Variants in CDKN2C observed in about 807,000 individuals in gnomAD.
The protein encoded by CDKN2C is cyclin-dependent kinase 4 inhibitor C.
A neutral mutation model predicts 11.0 loss-of-function variants in CDKN2C; 5 were observed. The ratio of observed to expected loss-of-function variants is 0.45; its 90% CI spans 0.24 to 0.95. The LOEUF is 0.95. Among genes scored for constraint, CDKN2C ranks in the 40% least tolerant of loss-of-function variants. The pLI, the probability that CDKN2C is intolerant of heterozygous loss-of-function variation, is 0.21. For missense variants in CDKN2C, 161 were observed against 211.9 expected (o/e 0.76, Z 1.49); for synonymous variants, 79 against 88.3 (o/e 0.89, Z 0.59).
intron 1 of CDKN2C, among the ~76,000 whole-genome samples, chr1:50,973,305 C>G (rs1267078574): frequency 6.6e-6 from 1 of 152,134 alleles, no homozygotes; most frequent in Non-Finnish European, 1.5e-5. Flanking sequence ...TTGGAGGGAA[C>G]TTGTAAAAAT....
At chr1:50,965,120 A>G (rs919023946) in intron 1 of CDKN2C, among the ~76,000 whole-genome samples, 1 of 151,518 alleles carries the variant, frequency 6.6e-6, no homozygotes, top group African/African-American at 2.4e-5. Flanking sequence ...TTTTATAACC[A>G]TGAAACACTA....
At chr1:50,970,704 G>C (rs1032783011) in intron 1 of CDKN2C, among the ~76,000 whole-genome samples, 1 of 152,114 alleles carries the variant, frequency 6.6e-6, no homozygotes, top group African/African-American at 2.4e-5. Flanking sequence ...TAACATCCTT[G>C]ATATCAAGTG....
upstream of CDKN2C, among the ~76,000 whole-genome samples, chr1:50,966,635 G>A (rs1295182039): frequency 6.6e-6 from 1 of 151,704 alleles, no homozygotes; most frequent in African/African-American, 2.4e-5. Context: ...TAATACTTAT[G>A]TATGCCTTCT....
Position 50,970,360 on chromosome 1 carries a change from C to A in CDKN2C, c.-9C>A. The A allele has an allele frequency of 6.2e-7, 1 of 1,614,036 alleles. No individual in the cohort carries two copies. The highest frequency in any genetic ancestry group is 8.5e-7 in the Non-Finnish European group (1 of 1,180,030). ...ATTCATCTTTTCCTGATCGTCAGGA[C>A]CCTAAAGAATGGCCGAGCCTTGGGG... On this transcript the variant is annotated 5_prime_UTR_variant, in exon 1 of 2. Transcript: ENST00000371761.
At chr1:50,973,797 T>A in intron 1 of CDKN2C, 96 bp from the exon 2 acceptor site, 1 of 1,459,206 alleles carries the variant, frequency 6.9e-7, no homozygotes, top group Non-Finnish European at 9.5e-7. Flanking sequence ...CCATCAAAAA[T>A]AAATAGTTAC....
At chr1:50,967,359 C>T (rs1440942061), upstream of CDKN2C, among the ~76,000 whole-genome samples, 3 of 152,180 alleles carry the variant, frequency 2.0e-5, no homozygotes, top group Non-Finnish European at 4.4e-5. Flanking sequence ...ATTCACAATT[C>T]AAGTTTAGTT....
At chr1:50,961,017 TA>T (rs1326384132) in intron 1 of CDKN2C, among the ~76,000 whole-genome samples, 43 of 3,020 alleles carry the variant, frequency 0.014, no homozygotes, top group Admixed American at 0.022. Context: ...AGTCTATTTT[TA>T]TTTATTTATT....
chr1:50,968,984 T>G (rs1347914330), upstream of CDKN2C: 1 of 153,230 alleles, frequency 6.5e-6, no homozygotes, highest in African/African-American at 2.4e-5. Context: ...AAAGAAACTG[T>G]CACTGGGAGC....
intron 1 of CDKN2C, 76 bp from the exon 2 acceptor site, chr1:50,973,813 TGGAA>T: frequency 6.6e-7 from 1 of 1,521,408 alleles, no homozygotes; most frequent in Non-Finnish European, 9.1e-7. Flanking sequence ...GTTACATAAA[TGGAA>T]GGACAGGCAG....
Position 50,974,049 on chromosome 1 carries a change from G to GTTAA in CDKN2C, c.287_290dup (p.Ile98Ter). 6.2e-7 allele frequency: 1 copy of GTTAA among 1,614,220 alleles called. No homozygotes were observed. The highest frequency in any genetic ancestry group is 1.1e-5 in the South Asian group (1 of 91,080). ...GACTTTGCTGGAGTTTCAAGCTGAT[G>GTTAA]TTAACATCGAGGATAATGAAGGGAA... On this transcript the variant is annotated frameshift_variant, in exon 2 of 2. Coordinates refer to ENST00000371761, the MANE Select transcript of CDKN2C (RefSeq NM_078626.3). LOFTEE classifies it high-confidence loss of function.
chr1:50,970,154 T>C, upstream of CDKN2C: 1 of 603,328 alleles, frequency 1.7e-6, no homozygotes, highest in Non-Finnish European at 2.9e-6. Context: ...CCCTCTCCAA[T>C]GGCTCAGTTT....
At chr1:50,973,201 T>G (rs1388156224) in intron 1 of CDKN2C, among the ~76,000 whole-genome samples, 1 of 152,152 alleles carries the variant, frequency 6.6e-6, no homozygotes, top group Admixed American at 6.5e-5. Context: ...AATGAAGGAT[T>G]CTAAACATTG....
upstream of CDKN2C, among the ~76,000 whole-genome samples, chr1:50,966,066 T>C (rs1450039479): frequency 6.6e-6 from 1 of 151,082 alleles, no homozygotes; most frequent in Non-Finnish European, 1.5e-5. Flanking sequence ...TTTGACTGAA[T>C]CACATTTCTA....
rs940734001 is a variant in CDKN2C, at chr1:50,962,559, A to G, written c.-1976+1756A>G. On this transcript the variant is annotated intron_variant, in intron 1 of 3. Transcript: ENST00000262662. ...AATAATTGTTTCTAGTTATATGGCC[A>G]AGGATTAATGCAGTCCTAAAAAGTT... Among the ~76,000 whole-genome samples, 9 of 152,330 alleles carry G rather than the reference A, an allele frequency of 5.9e-5. No homozygotes were observed. The South Asian group carries it at 1.4e-3, about 25-fold the overall frequency.
chr1:50,972,069 T>C (rs1041394601), intron 1 of CDKN2C, among the ~76,000 whole-genome samples: 4 of 152,184 alleles, frequency 2.6e-5, no homozygotes, highest in Non-Finnish European at 5.9e-5. Context: ...ACAATTATGT[T>C]TATTTAACTC....
upstream of CDKN2C, among the ~76,000 whole-genome samples, chr1:50,967,254 A>ACTG (rs1363061701): frequency 2.0e-5 from 3 of 152,246 alleles, no homozygotes; most frequent in African/African-American, 7.2e-5. Context: ...TTTATTTCTT[A>ACTG]CTGGTATAAA....
intron 1 of CDKN2C, 89 bp downstream of exon 1, chr1:50,970,586 G>A: frequency 1.4e-6 from 2 of 1,476,008 alleles, no homozygotes; most frequent in African/African-American, 1.4e-5. Context: ...AGCTTTCAGG[G>A]ACATAAAATT....
intron 1 of CDKN2C, 109 bp from the exon 2 acceptor site, chr1:50,973,784 A>T (rs3176471): frequency 0.021 from 27,951 of 1,352,166 alleles, 363 homozygotes; most frequent in Middle Eastern, 0.055. Context: ...TTCCGCAAGA[A>T]CTCCATCAAA....
chr1:50,968,277 C>A (rs1645357966), upstream of CDKN2C: 1 of 152,386 alleles, frequency 6.6e-6, no homozygotes, highest in African/African-American at 2.4e-5. Context: ...CGACCTGCCC[C>A]GCTAGCGCTG....
Sources: gnomAD v4.1 joint callset for allele counts (sites outside exome capture counted in the v4.1 genomes callset) on GRCh38, gnomAD v4.1.1 for gene constraint, MANE v1.5 for transcripts, NCBI Gene and HGNC (gene_info 2026-07-23, HGNC 2026-07-21) for gene names.